Variants in TYW1B observed in about 807,000 individuals in gnomAD.
TYW1B encodes S-adenosyl-L-methionine-dependent tRNA 4-demethylwyosine synthase TYW1B.
A neutral mutation model predicts 86.9 loss-of-function variants in TYW1B; 73 were observed. The observed-to-expected ratio is 0.84, with a 90% CI of 0.70 to 1.02. TYW1B has a LOEUF of 1.02. TYW1B is among the 50% of genes least tolerant of loss of function. The pLI is 0.00. For synonymous variants in TYW1B, 248 were observed against 292.8 expected (o/e 0.85, Z 1.56); for missense variants, 637 against 827.4 (o/e 0.77, Z 2.82).
At chr7:72,692,604 C>T (rs2129570221) in intron 11 of TYW1B, among the ~76,000 whole-genome samples, 1 of 152,038 alleles carries the variant, frequency 6.6e-6, no homozygotes, top group South Asian at 2.1e-4. Flanking sequence ...GAATCCAGCT[C>T]AGGAGAGAGC....
At chr7:72,698,111 A>G (rs1448560288) in intron 10 of TYW1B, 3 of 152,830 alleles carry the variant, frequency 2.0e-5, no homozygotes, top group Non-Finnish European at 1.5e-5. Flanking sequence ...TCTCTAAGAC[A>G]ATCTGGGGCT....
intron 13 of TYW1B, among the ~76,000 whole-genome samples, chr7:72,605,315 C>T (rs1554434592): frequency 6.7e-6 from 1 of 150,060 alleles, no homozygotes; most frequent in African/African-American, 2.5e-5. Context: ...CAACTGATGT[C>T]TGGAATCCCT....
intron 13 of TYW1B, among the ~76,000 whole-genome samples, chr7:72,604,561 T>C (rs1203282494): frequency 2.0e-5 from 3 of 152,314 alleles, no homozygotes; most frequent in East Asian, 1.9e-4. Flanking sequence ...ATCACTCAGC[T>C]TCCACTGGCT....
chr7:72,823,651 AAAAT>A, intron 2 of TYW1B, among the ~76,000 whole-genome samples: 1 of 152,036 alleles, frequency 6.6e-6, no homozygotes, highest in Non-Finnish European at 1.5e-5. Context: ...TAAATGAAAT[AAAAT>A]AAAATAAATA....
intron 7 of TYW1B, among the ~76,000 whole-genome samples, chr7:72,760,340 T>C (rs1458854264): frequency 1.3e-5 from 2 of 152,232 alleles, no homozygotes; most frequent in African/African-American, 2.4e-5. Context: ...TTTTGGCCCA[T>C]GGCCTTCATT....
At chr7:72,816,949 A>T (rs1161424955) in intron 2 of TYW1B, among the ~76,000 whole-genome samples, 1 of 152,150 alleles carries the variant, frequency 6.6e-6, no homozygotes, top group African/African-American at 2.4e-5. Context: ...AACATAAGTC[A>T]AGCAACTTCC....
intron 13 of TYW1B, among the ~76,000 whole-genome samples, chr7:72,575,967 A>C (rs1183697700): frequency 1.7e-4 from 26 of 152,226 alleles, no homozygotes; most frequent in Admixed American, 1.7e-3. Flanking sequence ...CCGGAAGACA[A>C]GTCAAGTTTA....
chr7:72,687,864 T>C (rs1257515319), intron 11 of TYW1B, among the ~76,000 whole-genome samples: 12 of 151,978 alleles, frequency 7.9e-5, no homozygotes, highest in African/African-American at 2.9e-4. Flanking sequence ...AAGACCAGCC[T>C]GGGCAACAAA....
intron 7 of TYW1B, among the ~76,000 whole-genome samples, chr7:72,755,084 A>G (rs571792875): frequency 2.0e-5 from 3 of 152,158 alleles, no homozygotes; most frequent in Non-Finnish European, 4.4e-5. Context: ...ATAAAGTGAC[A>G]GGGTTTAGCA....
chr7:72,600,413 C>A (rs1352816253), intron 13 of TYW1B, among the ~76,000 whole-genome samples: 1 of 151,922 alleles, frequency 6.6e-6, no homozygotes, highest in South Asian at 2.1e-4. Context: ...GAAAATAGCA[C>A]GGGAGGAAAT....
intron 13 of TYW1B, among the ~76,000 whole-genome samples, chr7:72,587,934 T>G (rs1370811222): frequency 5.3e-5 from 8 of 152,346 alleles, no homozygotes; most frequent in African/African-American, 1.9e-4. Flanking sequence ...TCAGTCATAA[T>G]TTTGCAATGG....
intron 4 of TYW1B, among the ~76,000 whole-genome samples, chr7:72,807,866 T>C (rs1788527036): frequency 6.6e-6 from 1 of 152,160 alleles, no homozygotes; most frequent in Non-Finnish European, 1.5e-5. Flanking sequence ...AGTTAAGAGT[T>C]CAAAAACTTA....
At chr7:72,749,276 A>G (rs1787446727) in intron 7 of TYW1B, among the ~76,000 whole-genome samples, 1 of 152,052 alleles carries the variant, frequency 6.6e-6, no homozygotes, top group South Asian at 2.1e-4. Context: ...ATATTGTTTC[A>G]TTCCTGATAT....
intron 2 of TYW1B, among the ~76,000 whole-genome samples, chr7:72,825,178 G>C (rs1271047732): frequency 6.6e-6 from 1 of 151,156 alleles, no homozygotes. Flanking sequence ...CAGTGACCCT[G>C]AGATAACCAC....
chr7:72,623,739 C>T (rs566913183), intron 12 of TYW1B, among the ~76,000 whole-genome samples: 4 of 152,136 alleles, frequency 2.6e-5, no homozygotes, highest in African/African-American at 9.6e-5. Context: ...TTATAGCCTG[C>T]CATATTGCTA....
intron 6 of TYW1B, among the ~76,000 whole-genome samples, chr7:72,783,600 G>A (rs1788083585): frequency 6.6e-6 from 1 of 151,994 alleles, no homozygotes; most frequent in African/African-American, 2.4e-5. Context: ...TCACTCACTG[G>A]TCACCGTTCA....
intron 13 of TYW1B, among the ~76,000 whole-genome samples, chr7:72,596,179 CAAAA>C (rs58325295): frequency 2.3e-4 from 13 of 56,408 alleles, no homozygotes; most frequent in African/African-American, 3.6e-4. Context: ...AACTCTGTCT[CAAAA>C]AAAAAAAAAA....
At chr7:72,794,865 CTAGAG>C (rs1435440654) in intron 6 of TYW1B, among the ~76,000 whole-genome samples, 2 of 151,136 alleles carry the variant, frequency 1.3e-5, no homozygotes, top group Non-Finnish European at 2.9e-5. Flanking sequence ...GTCGCCCAGA[CTAGAG>C]TGCAGTGACA....
rs1811242071 is a variant in TYW1B at position 72,584,962 on chromosome 7, G to C, written c.1786-9243C>G. Among the ~76,000 whole-genome samples the C allele has an allele frequency of 2.0e-5, 3 of 152,290 alleles. No homozygotes were observed. In the South Asian group the frequency reaches 6.2e-4, roughly 32 times the overall value. On this transcript the variant is annotated intron_variant, in intron 13 of 13. Coordinates refer to ENST00000620995, the MANE Select transcript of TYW1B (RefSeq NM_001145440.3). ...TTGATTTGTTTGATTTTATTTACAA[G>C]CTTCCATCCCTTCTCAGAAAATAAT...
Sources: gnomAD v4.1 joint callset for allele counts (sites outside exome capture counted in the v4.1 genomes callset) on GRCh38, gnomAD v4.1.1 for gene constraint, MANE v1.5 for transcripts, NCBI Gene and HGNC (gene_info 2026-07-23, HGNC 2026-07-21) for gene names.